LRRK1: variants seen among roughly 807,000 people sequenced by gnomAD.
The protein encoded by LRRK1 is leucine rich repeat kinase 1, also known as leucine-rich repeat serine/threonine-protein kinase 1.
Under a neutral mutation model 209.1 loss-of-function variants are expected in LRRK1, and 113 were observed. The ratio of observed to expected loss-of-function variants is 0.54; its 90% confidence interval spans 0.46 to 0.63. The LOEUF is 0.63. Among genes scored for constraint, LRRK1 ranks in the 30% least tolerant of loss-of-function variants. LRRK1 has a pLI of 0.00. For synonymous variants in LRRK1, 1,144 were observed against 1,099.7 expected (o/e 1.04, Z -0.80); for missense variants, 2,284 against 2,632.2 (o/e 0.87, Z 2.89).
intron 20 of LRRK1, 41 bp downstream of exon 20, chr15:101,029,273 C>T: frequency 6.4e-7 from 1 of 1,561,606 alleles, no homozygotes. Flanking sequence ...GCAGGTTGCT[C>T]CCCGAAAGAG....
chr15:100,970,428 C>T (rs1186575830), intron 2 of LRRK1, among the ~76,000 whole-genome samples: 1 of 152,158 alleles, frequency 6.6e-6, no homozygotes, highest in African/African-American at 2.4e-5. Flanking sequence ...TGCTTTGGCT[C>T]CCTTGTCAAA....
At chr15:101,039,451 AT>A in intron 20 of LRRK1, among the ~76,000 whole-genome samples, 1 of 152,202 alleles carries the variant, frequency 6.6e-6, no homozygotes, top group East Asian at 1.9e-4. Flanking sequence ...TATTTACCTT[AT>A]ATCAAAAAAC....
In LRRK1 at chr15:101,074,501, A is replaced by G. The variant is rs932831847; in HGVS notation, c.*5653A>G. 16 of 152,098 alleles carry G rather than the reference A, an allele frequency of 1.1e-4. No individual in the cohort carries two copies. Among genetic ancestry groups the G allele is most frequent in the African/African-American group, 3.9e-4 (16 of 41,406 alleles). The allele number at this position is 152,098 out of a possible 1,614,324, so 9.4% of individuals were successfully genotyped here. A position where few individuals can be genotyped will look rare whatever the true frequency, so the allele number is the denominator to read the frequency against. On this transcript the variant is annotated 3_prime_UTR_variant, in exon 34 of 34. Coordinates refer to ENST00000388948, the MANE Select transcript of LRRK1 (RefSeq NM_024652.6). ...CCAGTTCATGCCTCGTTTGGCAGCA[A>G]CCCTGAGACACTTTACGGCCCTAGA...
intron 2 of LRRK1, among the ~76,000 whole-genome samples, chr15:100,940,151 A>G (rs2042374202): frequency 1.3e-5 from 2 of 152,240 alleles, no homozygotes; most frequent in South Asian, 4.1e-4. Context: ...AAGTTCTCTA[A>G]TATAGTTTTA....
At position 101,051,917 on chromosome 15, in the gene LRRK1, C is replaced by T; in HGVS notation, c.3646C>T (p.Gln1216Ter). 2 of 1,614,000 alleles carry T rather than the reference C, an allele frequency of 1.2e-6. No individual in the cohort carries two copies. Among genetic ancestry groups the T allele is most frequent in the Non-Finnish European group, 1.7e-6 (2 of 1,180,026 alleles). ...ACACCCGGACCTCCCCGTGCCGCTG[C>T]AGGAGCTGGTCCCTGAACTGTTCAT... is the stretch of plus-strand genomic sequence containing the variant. ...PRHPDLPVPL[Q>*]ELVPELFMTD... The change falls in exon 24 of 34, where the codon CAG becomes TAG. Residue 1216 changes from glutamine to a stop codon, truncating the protein, a stop_gained. Coordinates refer to ENST00000388948, the MANE Select transcript of LRRK1 (RefSeq NM_024652.6). LOFTEE classifies it high-confidence loss of function.
chr15:101,021,824 G>T, intron 13 of LRRK1, 21 bp from the exon 14 acceptor site: 2 of 1,433,348 alleles, frequency 1.4e-6, no homozygotes, highest in Non-Finnish European at 2.0e-6. Flanking sequence ...ATTCTCTCGT[G>T]GTGGACACAT....
At chr15:100,932,633 A>G (rs1313319422) in intron 2 of LRRK1, among the ~76,000 whole-genome samples, 1 of 152,214 alleles carries the variant, frequency 6.6e-6, no homozygotes, top group Non-Finnish European at 1.5e-5. Flanking sequence ...AGGGACTATA[A>G]TATAGGAAAA....
In LRRK1 at chr15:101,024,951, G is replaced by A; in HGVS notation, c.2216G>A (p.Trp739Ter). ...GEEAVANLQF[W>*]LLNIEAKAPN... ...GAGGCCGTGGCCAACCTCCAGTTCT[G>A]GCTGCTCAACATCGAGGTGAGGACA... The change falls in exon 16 of 34, where the codon TGG becomes TAG. Residue 739 changes from tryptophan (W) to a stop codon, truncating the protein, a stop_gained. Transcript: ENST00000388948. LOFTEE classifies it high-confidence loss of function. This position sits in a 1 kb window ranked among gnomAD's most constrained non-coding sequence, Gnocchi z 4.6. 1 of 1,613,686 alleles carries A rather than the reference G, an allele frequency of 6.2e-7. No homozygotes were observed. Among genetic ancestry groups the A allele is most frequent in the Non-Finnish European group, 8.5e-7 (1 of 1,179,924 alleles).
intron 2 of LRRK1, among the ~76,000 whole-genome samples, chr15:100,940,489 C>T (rs2042380507): frequency 6.6e-6 from 1 of 152,162 alleles, no homozygotes; most frequent in Admixed American, 6.5e-5. Flanking sequence ...CTGCATCCTC[C>T]TCTTGGTCTT....
rs779642731 is a variant in LRRK1, at chr15:101,027,244, G to T, written c.2406-17G>T. On this transcript the variant is annotated splice_polypyrimidine_tract_variant and intron_variant, in intron 17 of 33. Transcript: ENST00000388948. The surrounding 1 kb of genome is among the most constrained non-coding windows in gnomAD (Gnocchi z 5.1). ...GAGTGGGGCATGATGAGTAAAGACG[G>T]GTCTTTTTGCTCACAGTGAGATTTC... The T allele has an allele frequency of 2.6e-5, 42 of 1,613,778 alleles. No individual in the cohort carries two copies. The highest frequency in any genetic ancestry group is 3.6e-5 in the Non-Finnish European group (42 of 1,179,922).
chr15:101,029,044 T>C lies in LRRK1; in HGVS notation c.2775T>C (p.Ile925=). The part of the protein sequence containing the change: ...GLRNLYFLDP[I]WLSECLQRIF... ...GGAACCTCTACTTCCTCGACCCTATTTGGCTCTCCGAATGTCTGCAGAGGA... is the reference window on the plus strand; with the variant it reads ...GGAACCTCTACTTCCTCGACCCTATCTGGCTCTCCGAATGTCTGCAGAGGA... The change falls in exon 20 of 34, where the codon ATT becomes ATC. Residue 925 remains isoleucine, a synonymous_variant. Transcript: ENST00000388948. The C allele has an allele frequency of 6.2e-7, 1 of 1,614,126 alleles. No individual in the cohort carries two copies. Among genetic ancestry groups the C allele is most frequent in the Middle Eastern group, 1.6e-4 (1 of 6,062 alleles).
At chr15:100,929,317 G>T (rs1259646655) in intron 2 of LRRK1, among the ~76,000 whole-genome samples, 1 of 152,110 alleles carries the variant, frequency 6.6e-6, no homozygotes, top group Non-Finnish European at 1.5e-5. Context: ...GGTCCTGAAA[G>T]CCCTGCCACA....
intron 29 of LRRK1, among the ~76,000 whole-genome samples, chr15:101,059,350 A>G (rs1325913525): frequency 1.3e-5 from 2 of 152,194 alleles, no homozygotes; most frequent in Admixed American, 6.5e-5. Context: ...GTGGGTGGTG[A>G]TTGTGCCACT....
chr15:100,971,791 C>G (rs372123745), intron 2 of LRRK1, among the ~76,000 whole-genome samples: 3 of 152,122 alleles, frequency 2.0e-5, no homozygotes, highest in African/African-American at 7.2e-5. Flanking sequence ...GACACTCACC[C>G]TTCTCAGTCT....
chr15:101,077,449 C>T lies in LRRK1; in HGVS notation c.*8601C>T, dbSNP rs2037023183. On this transcript the variant is annotated 3_prime_UTR_variant, in exon 34 of 34. Coordinates refer to ENST00000388948, the MANE Select transcript of LRRK1 (RefSeq NM_024652.6). Reference sequence around the variant, plus strand: ...TGAACTCTTAAATACATAATCTTTGCTGGCAGGACTATGCTGAACCTCCTT... The same window carrying T: ...TGAACTCTTAAATACATAATCTTTGTTGGCAGGACTATGCTGAACCTCCTT... The T allele has an allele frequency of 6.6e-6, 1 of 152,190 alleles. No homozygotes were observed. Among genetic ancestry groups the T allele is most frequent in the African/African-American group, 2.4e-5 (1 of 41,434 alleles). 9.4% of individuals were successfully genotyped at this position (152,190 alleles called of 1,614,324 possible). A position where few individuals can be genotyped will look rare whatever the true frequency, so the allele number is the denominator to read the frequency against.
In LRRK1 at chr15:101,074,585, C is replaced by T. The variant is rs1173740339; in HGVS notation, c.*5737C>T. The T allele has an allele frequency of 6.6e-6, 1 of 152,128 alleles. No homozygotes were observed. The allele number at this position is 152,128 out of a possible 1,614,324, so 9.4% of individuals were successfully genotyped here. A position where few individuals can be genotyped will look rare whatever the true frequency, so the allele number is the denominator to read the frequency against. ...TATATATTTTATCACCCAATCTGCTCCCTACATTAAATAAAACTCCAAAAA... is the reference window on the plus strand; with the variant it reads ...TATATATTTTATCACCCAATCTGCTTCCTACATTAAATAAAACTCCAAAAA... On this transcript the variant is annotated 3_prime_UTR_variant, in exon 34 of 34. Transcript: ENST00000388948.
chr15:101,055,112 A>G lies in LRRK1; in HGVS notation c.4221A>G (p.Leu1407=). Residue 1407 remains leucine, a synonymous_variant, in exon 27 of 34, where the codon CTA becomes CTG. Transcript: ENST00000388948. ...LDVKEHINIK[L]SDYGISRQSF... ...TCAAGGAGCACATCAACATCAAGCT[A>G]TCTGACTACGGGATTTCGAGGCAGT... The G allele has an allele frequency of 1.2e-6, 2 of 1,614,038 alleles. No individual in the cohort carries two copies. The highest frequency in any genetic ancestry group is 1.7e-6 in the Non-Finnish European group (2 of 1,179,968).
In LRRK1 at chr15:101,027,235, G is replaced by C. The variant is rs2034072309; in HGVS notation, c.2406-26G>C. 1 of 1,613,456 alleles carries C rather than the reference G, an allele frequency of 6.2e-7. No homozygotes were observed. The highest frequency in any genetic ancestry group is 1.3e-5 in the African/African-American group (1 of 74,922). Reference sequence around the variant, plus strand: ...GCTTCCTCGGAGTGGGGCATGATGAGTAAAGACGGGTCTTTTTGCTCACAG... The same window carrying C: ...GCTTCCTCGGAGTGGGGCATGATGACTAAAGACGGGTCTTTTTGCTCACAG... On this transcript the variant is annotated intron_variant, in intron 17 of 33. Coordinates refer to ENST00000388948, the MANE Select transcript of LRRK1 (RefSeq NM_024652.6). This position sits in a 1 kb window ranked among gnomAD's most constrained non-coding sequence, Gnocchi z 5.1.
At chr15:100,971,102 G>A (rs918963679) in intron 2 of LRRK1, among the ~76,000 whole-genome samples, 1 of 152,136 alleles carries the variant, frequency 6.6e-6, no homozygotes, top group Admixed American at 6.5e-5. Flanking sequence ...GTGAGGCTGA[G>A]GTGGGTGGAT....
Sources: allele counts gnomAD v4.1 joint callset (sites outside exome capture counted in the v4.1 genomes callset), GRCh38; gene constraint gnomAD v4.1.1; non-coding constraint Gnocchi (gnomAD v3.1); transcripts MANE v1.5; gene names NCBI Gene and HGNC (gene_info 2026-07-23, HGNC 2026-07-21).